MELK: variants seen among roughly 807,000 people sequenced by gnomAD.
MELK encodes the protein pEg3 kinase.
In MELK, 81 loss-of-function variants were observed where a neutral mutation model predicts 85.0. That is an observed-to-expected ratio of 0.95 (90% CI 0.80 to 1.15). The LOEUF (loss-of-function observed/expected upper bound fraction) is 1.15, where lower values mean the gene tolerates loss of function less well. Ranked by LOEUF, MELK falls within the 50% of genes most tolerant of loss-of-function variation. MELK has a pLI of 0.00. For missense variants in MELK, 754 were observed against 777.5 expected (o/e 0.97, Z 0.36); for synonymous variants, 252 against 265.0 (o/e 0.95, Z 0.48).
At chr9:36,598,636 A>G (rs1824561088) in intron 6 of MELK, among the ~76,000 whole-genome samples, 1 of 152,200 alleles carries the variant, frequency 6.6e-6, no homozygotes, top group South Asian at 2.1e-4. Context: ...GCACTGTTCT[A>G]TGTAACATAT....
chr9:36,614,443 T>TTTA (rs1554722238), intron 8 of MELK, among the ~76,000 whole-genome samples: 4 of 129,962 alleles, frequency 3.1e-5, no homozygotes, highest in African/African-American at 1.2e-4. Flanking sequence ...TTTTTTTTTT[T>TTTA]AATTTATTTT....
chr9:36,613,960 C>T (rs1295471074), intron 8 of MELK, among the ~76,000 whole-genome samples: 2 of 152,056 alleles, frequency 1.3e-5, no homozygotes, highest in East Asian at 1.9e-4. Flanking sequence ...TAGTTTTTAA[C>T]AGGATCACAC....
At chr9:36,671,657 A>T (rs925824914) in intron 16 of MELK, among the ~76,000 whole-genome samples, 1 of 152,192 alleles carries the variant, frequency 6.6e-6, no homozygotes, top group Non-Finnish European at 1.5e-5. Flanking sequence ...GAAGGTGTGG[A>T]TCTTATTTAA....
At chr9:36,583,979 G>T (rs1440605513) in intron 3 of MELK, among the ~76,000 whole-genome samples, 2 of 152,094 alleles carry the variant, frequency 1.3e-5, no homozygotes, top group Admixed American at 1.3e-4. Flanking sequence ...ATATTAATGT[G>T]TCCCATCTTT....
At chr9:36,667,928 C>G (rs186799688) in intron 14 of MELK, among the ~76,000 whole-genome samples, 1 of 152,006 alleles carries the variant, frequency 6.6e-6, no homozygotes, top group Admixed American at 6.6e-5. Context: ...CCACCATGCC[C>G]GGTTAATTTT....
intron 1 of MELK, among the ~76,000 whole-genome samples, chr9:36,579,976 G>A (rs985955805): frequency 6.7e-6 from 1 of 149,864 alleles, no homozygotes; most frequent in African/African-American, 2.4e-5. Flanking sequence ...TAATAAAATT[G>A]TGTATGACTG....
At chr9:36,596,248 A>G (rs1171601016) in intron 5 of MELK, among the ~76,000 whole-genome samples, 2 of 152,084 alleles carry the variant, frequency 1.3e-5, no homozygotes. Flanking sequence ...AAAATAGGAG[A>G]AAATGGTTTA....
chr9:36,651,317 A>G (rs561728286), intron 11 of MELK, among the ~76,000 whole-genome samples: 2 of 152,236 alleles, frequency 1.3e-5, no homozygotes, highest in Admixed American at 6.5e-5. Flanking sequence ...TTACATAATC[A>G]TAATAATGCA....
intron 6 of MELK, among the ~76,000 whole-genome samples, chr9:36,598,142 T>C (rs1354540727): frequency 6.6e-6 from 1 of 152,066 alleles, no homozygotes; most frequent in East Asian, 1.9e-4. Flanking sequence ...CTTTAGAAAC[T>C]ATAAGTGGAA....
chr9:36,619,696 G>C (rs186621524), intron 8 of MELK, among the ~76,000 whole-genome samples: 199 of 152,322 alleles, frequency 1.3e-3, no homozygotes, highest in African/African-American at 4.3e-3. Flanking sequence ...CCTTCTGCAG[G>C]CCAGGTCTAA....
intron 4 of MELK, among the ~76,000 whole-genome samples, chr9:36,592,866 T>C (rs1823770158): frequency 6.6e-6 from 1 of 152,168 alleles, no homozygotes; most frequent in Admixed American, 6.5e-5. Context: ...TATATACCCA[T>C]GTACCTCCCA....
At position 36,674,927 on chromosome 9, in the gene MELK, G is replaced by C. The variant is rs749491516; in HGVS notation, c.1768G>C (p.Val590Leu). Residue 590 changes from valine to leucine, a missense_variant, in exon 17 of 18, where the codon GTA becomes CTA. Val to Leu is a conservative substitution (Grantham distance 32). Coordinates refer to ENST00000298048, the MANE Select transcript of MELK (RefSeq NM_014791.4). ...SILPKKHVDF[V>L]QKGYTLKCQT... ...TCTTCCAAAGAAGCATGTTGACTTTGTACAAAAGGGGTAAGAAGCACATTT... is the reference window on the plus strand; with the variant it reads ...TCTTCCAAAGAAGCATGTTGACTTTCTACAAAAGGGGTAAGAAGCACATTT... 5.7e-6 allele frequency: 9 copies of C among 1,581,504 alleles called. No homozygotes were observed. Among genetic ancestry groups the C allele is most frequent in the African/African-American group, 4.0e-5 (3 of 74,316 alleles).
chr9:36,636,822 G>T (rs7022943), intron 10 of MELK, among the ~76,000 whole-genome samples: 119 of 124,898 alleles, frequency 9.5e-4, no homozygotes, highest in Middle Eastern at 7.8e-3. Context: ...CTTTCTTTCT[G>T]TCTTTCTTGT....
chr9:36,656,865 T>G (rs1564214194), intron 12 of MELK, among the ~76,000 whole-genome samples: 1 of 152,162 alleles, frequency 6.6e-6, no homozygotes, highest in Non-Finnish European at 1.5e-5. Context: ...GATCCACCTG[T>G]GTCAGCCTTC....
chr9:36,674,788 G>C, intron 16 of MELK, 46 bp from the exon 17 acceptor site: 1 of 1,131,110 alleles, frequency 8.8e-7, no homozygotes, highest in East Asian at 2.4e-5. Context: ...TGGTCTTTGT[G>C]TTGATGTAAA....
chr9:36,618,399 G>C (rs1277225828), intron 8 of MELK, among the ~76,000 whole-genome samples: 1 of 139,458 alleles, frequency 7.2e-6, no homozygotes, highest in Admixed American at 7.4e-5. Context: ...ACAGACAGAG[G>C]CTCCTCAAAA....
intron 12 of MELK, among the ~76,000 whole-genome samples, chr9:36,656,424 T>C (rs1831248402): frequency 1.3e-5 from 2 of 152,194 alleles, no homozygotes; most frequent in Admixed American, 6.5e-5. Context: ...TTCTGATAAT[T>C]TGAACTGAAA....
At chr9:36,583,423 T>TA (rs1822466992) in intron 2 of MELK, among the ~76,000 whole-genome samples, 1 of 151,098 alleles carries the variant, frequency 6.6e-6, no homozygotes, top group Non-Finnish European at 1.5e-5. Flanking sequence ...GTTTTTTTTT[T>TA]ATTACAAAGT....
intron 14 of MELK, among the ~76,000 whole-genome samples, chr9:36,668,940 A>C (rs1437222860): frequency 6.6e-6 from 1 of 152,144 alleles, no homozygotes. Context: ...TAAAAGCATA[A>C]ATTGGGCCCT....
Sources: allele counts gnomAD v4.1 joint callset (sites outside exome capture counted in the v4.1 genomes callset), GRCh38; gene constraint gnomAD v4.1.1; transcripts MANE v1.5; gene names NCBI Gene and HGNC (gene_info 2026-07-23, HGNC 2026-07-21).